AFDN: variants seen among roughly 807,000 people sequenced by gnomAD.
AFDN encodes the protein afadin, adherens junction formation factor.
In AFDN, 68 loss-of-function variants were observed where a neutral mutation model predicts 216.6. The observed-to-expected ratio is 0.31, with a 90% confidence interval of 0.26 to 0.38. The LOEUF is 0.38. Ranked by LOEUF, AFDN falls within the 10% of genes least tolerant of loss-of-function variation. The probability of loss-of-function intolerance (pLI) is 1.00; values close to 1 mark genes in which losing one functional copy is unlikely to be tolerated. For synonymous variants in AFDN, 868 were observed against 853.7 expected, an observed-to-expected ratio of 1.02 and a Z score of -0.29; for missense variants, 2,136 against 2,342.0, an observed-to-expected ratio of 0.91 and a Z score of 1.82.
At chr6:167,873,696 A>G (rs1785030909) in intron 4 of AFDN, among the ~76,000 whole-genome samples, 1 of 152,206 alleles carries the variant, frequency 6.6e-6, no homozygotes, top group Non-Finnish European at 1.5e-5. Flanking sequence ...GGTGTCACAG[A>G]ACAGTATATT....
At chr6:167,943,890 A>G in intron 25 of AFDN, 51 bp from the exon 26 acceptor site, 1 of 1,448,530 alleles carries the variant, frequency 6.9e-7, no homozygotes, top group Non-Finnish European at 9.7e-7. Flanking sequence ...TTCATGACAG[A>G]GCAGGCACTG....
chr6:167,920,779 G>A (rs1791691194), intron 21 of AFDN, among the ~76,000 whole-genome samples: 1 of 152,074 alleles, frequency 6.6e-6, no homozygotes, highest in South Asian at 2.1e-4. Context: ...ACCGTTGTCG[G>A]TACTCTACTC....
upstream of AFDN, chr6:167,826,864 C>G (rs1204898170): frequency 1.4e-5 from 2 of 144,704 alleles, no homozygotes; most frequent in African/African-American, 5.0e-5. Context: ...CGCACGGCGG[C>G]GGGCGGGGCG....
At chr6:167,856,764 C>G (rs1782943830) in intron 1 of AFDN, among the ~76,000 whole-genome samples, 1 of 151,944 alleles carries the variant, frequency 6.6e-6, no homozygotes, top group East Asian at 1.9e-4. Flanking sequence ...GAATACCAGA[C>G]AAGGCTAAAA....
At chr6:167,923,323 C>T (rs189020617) in intron 22 of AFDN, 216 of 156,408 alleles carry the variant, frequency 1.4e-3, no homozygotes, top group African/African-American at 4.8e-3. Context: ...TCTGCCTTGT[C>T]TTAAATATAT....
At chr6:167,947,697 C>A (rs1795482200) in intron 27 of AFDN, among the ~76,000 whole-genome samples, 156 bp from the exon 28 acceptor site, 1 of 151,788 alleles carries the variant, frequency 6.6e-6, no homozygotes, top group Non-Finnish European at 1.5e-5. Flanking sequence ...TATGACAAGA[C>A]CTGATTTCTT....
intron 1 of AFDN, among the ~76,000 whole-genome samples, chr6:167,840,858 G>A (rs1268502219): frequency 6.6e-6 from 1 of 152,186 alleles, no homozygotes; most frequent in South Asian, 2.1e-4. Flanking sequence ...CTCCCTGGCA[G>A]CCGAGTCTGT....
Position 167,964,901 on chromosome 6 carries a change from CA to C in AFDN, c.4969-852del, listed in dbSNP as rs1274020545. The C allele has an allele frequency of 2.8e-6, 3 of 1,062,790 alleles. No individual in the cohort carries two copies. The African/African-American group carries it at 4.9e-5, about 17-fold the overall frequency. The allele number at this position is 1,062,790 out of a possible 1,614,324, so 65.8% of individuals were successfully genotyped here. On this transcript the variant is annotated intron_variant, in intron 31 of 33. Coordinates refer to ENST00000683244, the MANE Select transcript of AFDN (RefSeq NM_001386888.1). ...CTCTAAAACTTTTGTCAATCTTTAA[CA>C]AAACTGTGCTGTTACCTTTTTTAAT...
In AFDN at chr6:167,853,830, G is replaced by A. The variant is rs1024207930; in HGVS notation, c.106-10721G>A. 7.2e-5 allele frequency among the ~76,000 whole-genome samples: 11 copies of A among 151,912 alleles called. No individual in the cohort carries two copies. The East Asian group carries it at 1.5e-3, about 21-fold the overall frequency. ...AAGAGTTTTGCCCTAACTCTTAATGGCACCGTTTTATTCCACTCAGTGAAT... is the reference window on the plus strand; with the variant it reads ...AAGAGTTTTGCCCTAACTCTTAATGACACCGTTTTATTCCACTCAGTGAAT... On this transcript the variant is annotated intron_variant, in intron 1 of 33. Transcript: ENST00000683244.
At chr6:167,905,797 A>G (rs1005142898) in intron 12 of AFDN, among the ~76,000 whole-genome samples, 3 of 152,150 alleles carry the variant, frequency 2.0e-5, no homozygotes, top group Admixed American at 1.3e-4. Context: ...TTGACCAGCA[A>G]TTGTGTTTCT....
At chr6:167,897,076 A>AG (rs1177397682) in intron 10 of AFDN, 104 bp downstream of exon 10, 2 of 507,302 alleles carry the variant, frequency 3.9e-6, no homozygotes, top group African/African-American at 4.7e-5. Context: ...ATAATTACCG[A>AG]CTTGTATTTA....
chr6:167,851,676 G>A (rs1166426365), intron 1 of AFDN, among the ~76,000 whole-genome samples: 2 of 152,188 alleles, frequency 1.3e-5, no homozygotes, highest in Non-Finnish European at 2.9e-5. Flanking sequence ...GTTTGGCACA[G>A]ATTCATGTGG....
intron 4 of AFDN, among the ~76,000 whole-genome samples, chr6:167,873,393 C>A (rs948197081): frequency 6.6e-6 from 1 of 152,114 alleles, no homozygotes; most frequent in Non-Finnish European, 1.5e-5. Flanking sequence ...CATTTTTAAA[C>A]GATTATACAG....
intron 9 of AFDN, among the ~76,000 whole-genome samples, chr6:167,895,266 A>AC (rs1788098370): frequency 6.6e-6 from 1 of 152,110 alleles, no homozygotes; most frequent in African/African-American, 2.4e-5. Context: ...ACATTTCTTA[A>AC]CTAGGGGGGT....
chr6:167,961,217 G>A (rs1431976375), intron 30 of AFDN, among the ~76,000 whole-genome samples: 1 of 152,210 alleles, frequency 6.6e-6, no homozygotes, highest in Admixed American at 6.5e-5. Context: ...AGTGGTTAGA[G>A]ATTGAACTAG....
rs771315507 is a variant in AFDN at position 167,902,322 on chromosome 6, T to A, written c.1586T>A (p.Val529Asp). 2 of 1,611,706 alleles carry A rather than the reference T, an allele frequency of 1.2e-6. No homozygotes were observed. Among genetic ancestry groups the A allele is most frequent in the South Asian group, 2.2e-5 (2 of 91,018 alleles). The change falls in exon 12 of 34, where the codon GTT (valine) becomes GAT (aspartate). Residue 529 changes from valine to aspartate, a missense_variant. Physicochemically the swap from Val to Asp is radical, Grantham distance 152 (BLOSUM62 -3). Transcript: ENST00000683244. Reference protein sequence around the residue: ...VKGPRHKPGIVQETTFDLGGD... With the variant: ...VKGPRHKPGIDQETTFDLGGD... ...TTCTTGTTTTATCCCATCAGAATTG[T>A]TCAGGAGACAACTTTTGATTTGGGA...
intron 23 of AFDN, among the ~76,000 whole-genome samples, chr6:167,937,871 A>G (rs1335235682): frequency 6.6e-6 from 1 of 152,252 alleles, no homozygotes; most frequent in Non-Finnish European, 1.5e-5. Flanking sequence ...GTAAAATTAC[A>G]GACCTCCTCA....
At position 167,946,914 on chromosome 6, in the gene AFDN, C is replaced by CT. The variant is rs1193997093; in HGVS notation, c.3553+19dup. On this transcript the variant is annotated intron_variant, in intron 27 of 33. Coordinates refer to ENST00000683244, the MANE Select transcript of AFDN (RefSeq NM_001386888.1). ...CCCAACGTAGCAAGTAAGAGTGACA[C>CT]TTTTTTGCTTCCTAAGTACACTTGT... The CT allele has an allele frequency of 3.1e-6, 5 of 1,601,252 alleles. No homozygotes were observed. The highest frequency in any genetic ancestry group is 4.3e-6 in the Non-Finnish European group (5 of 1,176,434).
Position 167,971,546 on chromosome 6 carries a change from A to C in AFDN, c.*1611A>C, listed in dbSNP as rs1034794075. The C allele has an allele frequency of 3.6e-5, 7 of 194,910 alleles. No individual in the cohort carries two copies. The highest frequency in any genetic ancestry group is 5.3e-5 in the Non-Finnish European group (5 of 93,982). 12.1% of individuals were successfully genotyped at this position (194,910 alleles called of 1,614,324 possible). On this transcript the variant is annotated 3_prime_UTR_variant, in exon 34 of 34. Transcript: ENST00000683244. Reference sequence around the variant, plus strand: ...GGAAGGATTTGCTTGCTTGCAGCAGAAGTTCTAGGAAAAGCAGGCACCTCC... The same window carrying C: ...GGAAGGATTTGCTTGCTTGCAGCAGCAGTTCTAGGAAAAGCAGGCACCTCC...
Sources: allele counts gnomAD v4.1 joint callset (sites outside exome capture counted in the v4.1 genomes callset), GRCh38; gene constraint gnomAD v4.1.1; transcripts MANE v1.5; gene names NCBI Gene and HGNC (gene_info 2026-07-23, HGNC 2026-07-21).